SHISA9: variants seen among roughly 807,000 people sequenced by gnomAD.
SHISA9 encodes shisa family member 9.
In SHISA9, 13 loss-of-function variants were observed where a neutral mutation model predicts 38.0. That is an observed-to-expected ratio of 0.34 (90% CI 0.22 to 0.54). SHISA9 has a LOEUF of 0.54. Among genes scored for constraint, SHISA9 ranks in the 20% least tolerant of loss-of-function variants. The probability of loss-of-function intolerance (pLI) is 0.91; values close to 1 mark genes in which losing one functional copy is unlikely to be tolerated. For synonymous variants in SHISA9, 275 were observed against 242.0 expected (o/e 1.14, Z -1.27); for missense variants, 538 against 575.8 (o/e 0.93, Z 0.67).
chr16:13,062,025 G>A (rs1402938773), intron 2 of SHISA9, among the ~76,000 whole-genome samples: 1 of 152,186 alleles, frequency 6.6e-6, no homozygotes, highest in East Asian at 1.9e-4. Flanking sequence ...GGAAGGCGAA[G>A]TGCCCAGTCA....
At chr16:13,091,098 C>G (rs1567209141) in intron 2 of SHISA9, among the ~76,000 whole-genome samples, 1 of 152,146 alleles carries the variant, frequency 6.6e-6, no homozygotes, top group Admixed American at 6.5e-5. Context: ...GTTGAAAATT[C>G]TTTTCTTTAA....
At chr16:13,046,765 C>T (rs10852363) in intron 2 of SHISA9, among the ~76,000 whole-genome samples, 118,536 of 152,164 alleles carry the variant, frequency 0.78, 46,633 homozygotes, top group African/African-American at 0.89. Flanking sequence ...TTTCAGTTCC[C>T]TAGACACTTT....
intron 2 of SHISA9, among the ~76,000 whole-genome samples, chr16:13,117,607 C>G (rs74012274): frequency 0.031 from 4,645 of 152,166 alleles, 105 homozygotes; most frequent in East Asian, 0.11. Context: ...GAAAACTGGA[C>G]GAAATGTGAC....
At chr16:13,534,493 G>A in the SHISA9 span, among the ~76,000 whole-genome samples, 4 of 152,178 alleles carry the variant, frequency 2.6e-5, no homozygotes, top group Non-Finnish European at 4.4e-5. Context: ...CCAAAGTGCT[G>A]GGATTACAGG....
intron 2 of SHISA9, among the ~76,000 whole-genome samples, chr16:13,189,287 C>A (rs2050859840): frequency 6.6e-6 from 1 of 152,130 alleles, no homozygotes; most frequent in South Asian, 2.1e-4. Flanking sequence ...AAGGAAGATG[C>A]TCAAGGCAGA....
At chr16:13,343,781 A>C in the SHISA9 span, among the ~76,000 whole-genome samples, 2 of 152,204 alleles carry the variant, frequency 1.3e-5, no homozygotes, top group Non-Finnish European at 2.9e-5. Context: ...TATATTAGGC[A>C]TCATGATCTT....
At chr16:13,489,390 G>A in the SHISA9 span, among the ~76,000 whole-genome samples, 79 of 152,202 alleles carry the variant, frequency 5.2e-4, no homozygotes, top group African/African-American at 1.6e-3. Flanking sequence ...GTTGTTAAGC[G>A]ATGTATGACT....
At chr16:12,941,091 C>A (rs751071448) in intron 2 of SHISA9, among the ~76,000 whole-genome samples, 33 of 152,196 alleles carry the variant, frequency 2.2e-4, no homozygotes, top group Non-Finnish European at 3.7e-4. Context: ...ATGGCTTATT[C>A]CTGTAATCCC....
the SHISA9 span, among the ~76,000 whole-genome samples, chr16:13,380,831 C>T: frequency 6.7e-6 from 1 of 149,916 alleles, no homozygotes; most frequent in Non-Finnish European, 1.5e-5. Flanking sequence ...AGCCCCCCAC[C>T]CCCCAGCAGG....
the SHISA9 span, among the ~76,000 whole-genome samples, chr16:13,373,105 A>G: frequency 1.3e-5 from 2 of 152,094 alleles, no homozygotes; most frequent in African/African-American, 4.8e-5. Flanking sequence ...CCACCTTTCT[A>G]CACTTCGTGG....
chr16:13,398,471 C>T, the SHISA9 span, among the ~76,000 whole-genome samples: 1 of 148,516 alleles, frequency 6.7e-6, no homozygotes, highest in African/African-American at 2.6e-5. Flanking sequence ...TCATGCTTCA[C>T]AAGGGTAGCT....
At chr16:13,538,332 G>C in the SHISA9 span, among the ~76,000 whole-genome samples, 1 of 152,008 alleles carries the variant, frequency 6.6e-6, no homozygotes, top group Non-Finnish European at 1.5e-5. Context: ...CTCCTTTCTC[G>C]GGCTTTTATA....
intron 2 of SHISA9, among the ~76,000 whole-genome samples, chr16:13,007,264 G>T (rs1347881165): frequency 1.3e-5 from 2 of 152,048 alleles, no homozygotes; most frequent in African/African-American, 4.8e-5. Context: ...GTGTTATAAG[G>T]CTCAGGAGTT....
At chr16:13,264,054 T>G in the SHISA9 span, among the ~76,000 whole-genome samples, 4 of 152,196 alleles carry the variant, frequency 2.6e-5, no homozygotes, top group Non-Finnish European at 5.9e-5. Flanking sequence ...TAAGCAACTC[T>G]GGGCTCATAC....
At chr16:13,196,316 G>A (rs1302245471) in intron 2 of SHISA9, among the ~76,000 whole-genome samples, 8 of 146,724 alleles carry the variant, frequency 5.5e-5, no homozygotes, top group African/African-American at 1.5e-4. Context: ...AGAATGGCGT[G>A]AACCCAGGAG....
At chr16:13,273,196 C>G in the SHISA9 span, among the ~76,000 whole-genome samples, 1 of 151,728 alleles carries the variant, frequency 6.6e-6, no homozygotes, top group Non-Finnish European at 1.5e-5. Context: ...TCCCCTTACA[C>G]CAATGCAAAA....
the SHISA9 span, among the ~76,000 whole-genome samples, chr16:13,427,657 A>G: frequency 6.6e-6 from 1 of 152,184 alleles, no homozygotes; most frequent in Non-Finnish European, 1.5e-5. Flanking sequence ...GACATGAATG[A>G]CAGTGTGGCT....
At chr16:13,227,329 T>C (rs1015691503) in intron 4 of SHISA9, among the ~76,000 whole-genome samples, 2 of 151,566 alleles carry the variant, frequency 1.3e-5, no homozygotes, top group South Asian at 2.1e-4. Context: ...TCAAAGGGGG[T>C]AGGAGAAAGG....
At chr16:13,210,895 A>G (rs1327894743) in intron 3 of SHISA9, among the ~76,000 whole-genome samples, 3 of 152,238 alleles carry the variant, frequency 2.0e-5, no homozygotes, top group Non-Finnish European at 4.4e-5. Context: ...AGAAATTTCT[A>G]GCATCTAAAG....
Sources: gnomAD v4.1 joint callset for allele counts (sites outside exome capture counted in the v4.1 genomes callset) on GRCh38, gnomAD v4.1.1 for gene constraint, MANE v1.5 for transcripts, NCBI Gene and HGNC (gene_info 2026-07-23, HGNC 2026-07-21) for gene names.